Variants in CCSER1 observed in about 807,000 individuals in gnomAD.
The protein encoded by CCSER1 is serine-rich coiled-coil domain-containing protein 1.
CCSER1 carries 41 observed loss-of-function variants against 82.0 expected under a neutral mutation model. The ratio of observed to expected loss-of-function variants is 0.50; its 90% CI spans 0.39 to 0.65. The LOEUF (loss-of-function observed/expected upper bound fraction) is 0.65, where lower values mean the gene tolerates loss of function less well. Among genes scored for constraint, CCSER1 ranks in the 30% least tolerant of loss-of-function variants. CCSER1 has a pLI of 0.00. For missense variants in CCSER1, 1,119 were observed against 1,064.2 expected (o/e 1.05, Z -0.72); for synonymous variants, 414 against 383.9 (o/e 1.08, Z -0.92).
intron 10 of CCSER1, among the ~76,000 whole-genome samples, chr4:91,488,966 A>G (rs1758366850): frequency 6.6e-6 from 1 of 152,200 alleles, no homozygotes; most frequent in South Asian, 2.1e-4. Flanking sequence ...AAAAACACAA[A>G]TGAAAAGAGA....
intron 9 of CCSER1, among the ~76,000 whole-genome samples, chr4:90,928,683 T>C (rs1729360765): frequency 6.6e-6 from 1 of 151,986 alleles, no homozygotes; most frequent in South Asian, 2.1e-4. Flanking sequence ...AGGTCTGAGT[T>C]TGAGATTTGA....
Position 91,281,535 on chromosome 4 carries a change from C to A in CCSER1, c.2217+195541C>A, listed in dbSNP as rs1017256696. ...AGGGGAGAACTGTGATCTGGGGAGACAACTCAGGATGTCGACCATATGACA... is the reference window on the plus strand; with the variant it reads ...AGGGGAGAACTGTGATCTGGGGAGAAAACTCAGGATGTCGACCATATGACA... On this transcript the variant is annotated intron_variant, in intron 10 of 10. Coordinates refer to ENST00000509176, the MANE Select transcript of CCSER1 (RefSeq NM_001145065.2). Among the ~76,000 whole-genome samples, 3 of 152,270 alleles carry A rather than the reference C, an allele frequency of 2.0e-5. No individual in the cohort carries two copies. The South Asian group carries it at 6.2e-4, about 32-fold the overall frequency.
chr4:91,462,873 G>A (rs1560690724), intron 10 of CCSER1, among the ~76,000 whole-genome samples: 1 of 151,996 alleles, frequency 6.6e-6, no homozygotes, highest in Non-Finnish European at 1.5e-5. Context: ...GCTTGAACTG[G>A]GTAGAGCCCA....
At chr4:91,043,721 A>ACTCCCTC (rs1243267485) in intron 9 of CCSER1, among the ~76,000 whole-genome samples, 2 of 151,250 alleles carry the variant, frequency 1.3e-5, no homozygotes. Flanking sequence ...CTCCCGAGTA[A>ACTCCCTC]CTGGGATCAC....
At chr4:90,148,275 C>T (rs1423612006) in intron 1 of CCSER1, among the ~76,000 whole-genome samples, 1 of 152,096 alleles carries the variant, frequency 6.6e-6, no homozygotes, top group East Asian at 1.9e-4. Context: ...CAAATAAACA[C>T]ATGTGCATAA....
intron 4 of CCSER1, among the ~76,000 whole-genome samples, chr4:90,420,479 C>T (rs1030754888): frequency 1.3e-5 from 2 of 151,986 alleles, no homozygotes; most frequent in Admixed American, 6.6e-5. Flanking sequence ...TTGACTAGCT[C>T]CATGTAGTAA....
At chr4:91,285,617 C>T (rs1198029807) in intron 10 of CCSER1, among the ~76,000 whole-genome samples, 1 of 151,764 alleles carries the variant, frequency 6.6e-6, no homozygotes, top group East Asian at 1.9e-4. Flanking sequence ...GTCTGAGGGT[C>T]TTAAGTTGCA....
chr4:90,581,882 T>G (rs1781451596), intron 5 of CCSER1, among the ~76,000 whole-genome samples: 1 of 152,168 alleles, frequency 6.6e-6, no homozygotes, highest in African/African-American at 2.4e-5. Flanking sequence ...AATGACTTTT[T>G]TTTTTTGTGA....
intron 10 of CCSER1, among the ~76,000 whole-genome samples, chr4:91,159,820 C>T (rs1169634160): frequency 6.6e-6 from 1 of 151,698 alleles, no homozygotes; most frequent in East Asian, 1.9e-4. Flanking sequence ...TTTGAGGATA[C>T]CTAATCAAAT....
intron 10 of CCSER1, among the ~76,000 whole-genome samples, chr4:91,576,321 A>G (rs1295752681): frequency 6.6e-6 from 1 of 151,994 alleles, no homozygotes; most frequent in Non-Finnish European, 1.5e-5. Context: ...ACTACATAAT[A>G]TCATCTATAT....
At chr4:90,971,887 G>A (rs1440061010) in intron 9 of CCSER1, among the ~76,000 whole-genome samples, 2 of 151,712 alleles carry the variant, frequency 1.3e-5, no homozygotes, top group Non-Finnish European at 2.9e-5. Flanking sequence ...ACAGAATGAA[G>A]AATAAAAACA....
rs77697420 is a variant in CCSER1, at chr4:90,498,628, A to T, written c.1724+30274A>T. 4.2e-3 allele frequency among the ~76,000 whole-genome samples: 642 copies of T among 152,294 alleles called. 5 individuals carry two copies. Among genetic ancestry groups the T allele is most frequent in the Non-Finnish European group, 5.4e-3 (368 of 68,000 alleles). On this transcript the variant is annotated intron_variant, in intron 5 of 10. Transcript: ENST00000509176. ...TATTCCATCAACAATTGTTTGGTTT[A>T]ATATTATTTCAGTGAAGACAGGTGC...
At chr4:91,083,405 C>G (rs1723009260) in intron 9 of CCSER1, among the ~76,000 whole-genome samples, 1 of 151,856 alleles carries the variant, frequency 6.6e-6, no homozygotes, top group Non-Finnish European at 1.5e-5. Context: ...ACACAGGAGC[C>G]TGCCGGGGGG....
intron 5 of CCSER1, among the ~76,000 whole-genome samples, chr4:90,486,505 AG>A (rs1767078243): frequency 6.6e-6 from 1 of 152,226 alleles, no homozygotes; most frequent in African/African-American, 2.4e-5. Context: ...GCTTTCTTGA[AG>A]TAAATGCTTT....
chr4:91,488,691 A>T (rs1578596665), intron 10 of CCSER1, among the ~76,000 whole-genome samples: 1 of 152,154 alleles, frequency 6.6e-6, no homozygotes, highest in Non-Finnish European at 1.5e-5. Flanking sequence ...CATGATTCTA[A>T]GTTTCCTGAG....
chr4:91,388,311 AAT>A (rs1434930760), intron 10 of CCSER1, among the ~76,000 whole-genome samples: 1 of 152,124 alleles, frequency 6.6e-6, no homozygotes, highest in Non-Finnish European at 1.5e-5. Context: ...TAGCTGTATA[AAT>A]ATATACACAC....
chr4:91,299,105 C>A (rs924279401), intron 10 of CCSER1, among the ~76,000 whole-genome samples: 1 of 151,828 alleles, frequency 6.6e-6, no homozygotes, highest in African/African-American at 2.4e-5. Flanking sequence ...AGTTTGTGAA[C>A]CACTGCTTTA....
intron 1 of CCSER1, among the ~76,000 whole-genome samples, chr4:90,258,309 TTGAGATCA>T (rs1393246899): frequency 6.6e-6 from 1 of 152,032 alleles, no homozygotes; most frequent in Non-Finnish European, 1.5e-5. Context: ...GGTCAAGAGA[TTGAGATCA>T]TCTTGGCCAA....
chr4:91,086,171 A>T (rs2148817075), intron 10 of CCSER1, among the ~76,000 whole-genome samples, 177 bp downstream of exon 10: 1 of 152,210 alleles, frequency 6.6e-6, no homozygotes, highest in South Asian at 2.1e-4. Flanking sequence ...TTACATGTTT[A>T]TGTAAATGTG....
Sources: gnomAD v4.1 joint callset for allele counts (sites outside exome capture counted in the v4.1 genomes callset) on GRCh38, gnomAD v4.1.1 for gene constraint, MANE v1.5 for transcripts, NCBI Gene and HGNC (gene_info 2026-07-23, HGNC 2026-07-21) for gene names.